The following MBD1 variants were observed in gnomAD, a reference collection of about 807,000 sequenced individuals.
MBD1 encodes the protein methyl-CpG binding domain protein 1.
A neutral mutation model predicts 82.6 loss-of-function variants in MBD1; 25 were observed. That is an observed-to-expected ratio of 0.30 (90% confidence interval 0.22 to 0.42). MBD1 has a LOEUF of 0.42. Among genes scored for constraint, MBD1 ranks in the 10% least tolerant of loss-of-function variants. MBD1 has a pLI of 1.00. For synonymous variants in MBD1, 301 were observed against 303.7 expected (o/e 0.99, Z 0.09); for missense variants, 627 against 819.6 (o/e 0.76, Z 2.87).
chr18:50,270,738 C>T (rs1021410413), intron 16 of MBD1: 3 of 202,844 alleles, frequency 1.5e-5, no homozygotes, highest in African/African-American at 6.8e-5. Flanking sequence ...TTGGCACTCC[C>T]TAAACCATGC....
At chr18:50,267,774 T>A, downstream of MBD1, 1 of 722,150 alleles carries the variant, frequency 1.4e-6, no homozygotes, top group Non-Finnish European at 2.5e-6. Flanking sequence ...AACTGACATA[T>A]AATAAGTACA....
In MBD1 at chr18:50,269,766, C is replaced by CG; in HGVS notation, c.*84dup. 1 of 782,950 alleles carries CG rather than the reference C, an allele frequency of 1.3e-6. No homozygotes were observed. Among genetic ancestry groups the CG allele is most frequent in the South Asian group, 1.3e-5 (1 of 74,654 alleles). 48.5% of individuals were successfully genotyped at this position (782,950 alleles called of 1,614,324 possible). On this transcript the variant is annotated 3_prime_UTR_variant, in exon 17 of 17. Coordinates refer to ENST00000269468, the MANE Select transcript of MBD1 (RefSeq NM_015846.4). Reference sequence around the variant, plus strand: ...GTGCTCGTGGGCTCCACTGTGTCCTCGGTCTCCCACACTTTACATCCATCT... The same window carrying CG: ...GTGCTCGTGGGCTCCACTGTGTCCTCGGGTCTCCCACACTTTACATCCATCT...
In MBD1 at chr18:50,275,352, G is replaced by A. The variant is rs544305047; in HGVS notation, c.793-107C>T. ...CATGCATGGGACAGGCAGACAGAGG[G>A]TGGCGTGAGGCACTCACAGTTGGGG... On this transcript the variant is annotated intron_variant, in intron 8 of 16. Coordinates refer to ENST00000269468, the MANE Select transcript of MBD1 (RefSeq NM_015846.4). The A allele has an allele frequency of 5.0e-6, 8 of 1,612,226 alleles. No individual in the cohort carries two copies. In the Admixed American group the frequency reaches 5.0e-5, roughly 10 times the overall value.
chr18:50,272,783 A>G (rs1354184535), intron 14 of MBD1, 41 bp downstream of exon 14: 1 of 1,614,126 alleles, frequency 6.2e-7, no homozygotes, highest in Non-Finnish European at 8.5e-7. Flanking sequence ...TGTTGGGGCT[A>G]CAGCAGGGTC....
downstream of MBD1, chr18:50,267,385 AT>A (rs1406562978): frequency 3.1e-5 from 16 of 516,228 alleles, no homozygotes; most frequent in Non-Finnish European, 5.2e-5. Context: ...AAATCTTCCT[AT>A]TTGCCATTGG....
chr18:50,275,591 C>G lies in MBD1; in HGVS notation c.792+9G>C. On this transcript the variant is annotated intron_variant, in intron 8 of 16. Transcript: ENST00000269468. ...CAGAATGAGCTCTGCTCCCTCCAGC[C>G]CAACTCACCCGTAGGCAACGTCGCT... 1 of 1,614,190 alleles carries G rather than the reference C, an allele frequency of 6.2e-7. No individual in the cohort carries two copies. Among genetic ancestry groups the G allele is most frequent in the Non-Finnish European group, 8.5e-7 (1 of 1,180,036 alleles).
In MBD1 at chr18:50,281,354, CTG is replaced by C. The variant is rs1425808049; in HGVS notation, c.-26+7_-26+8del. On this transcript the variant is annotated splice_region_variant and intron_variant, in intron 1 of 16. Coordinates refer to ENST00000269468, the MANE Select transcript of MBD1 (RefSeq NM_015846.4). The stretch of plus-strand genomic sequence containing the variant: ...GCGCTCTCCACGTCCAGCCCCAAGG[CTG>C]TCTCACCAGTTTGGCACCAGGCCGG... 2 of 889,752 alleles carry C rather than the reference CTG, an allele frequency of 2.2e-6. No homozygotes were observed. Among genetic ancestry groups the C allele is most frequent in the African/African-American group, 1.6e-5 (1 of 60,812 alleles). The allele number at this position is 889,752 out of a possible 1,614,324, so 55.1% of individuals were successfully genotyped here.
chr18:50,270,162 GT>G (rs2034909987), intron 16 of MBD1: 2 of 1,598,110 alleles, frequency 1.3e-6, no homozygotes, highest in Non-Finnish European at 1.7e-6. Flanking sequence ...AAAGGAAGGG[GT>G]GGGGAAGGTG....
downstream of MBD1, among the ~76,000 whole-genome samples, chr18:50,268,589 G>A (rs573082739): frequency 3.5e-4 from 53 of 152,354 alleles, no homozygotes; most frequent in African/African-American, 1.3e-3. Flanking sequence ...GACTGTGGCT[G>A]GGAACTACGG....
intron 10 of MBD1, among the ~76,000 whole-genome samples, chr18:50,274,659 G>A (rs1960458898): frequency 1.3e-5 from 2 of 152,108 alleles, no homozygotes. Context: ...CCCATTTCCA[G>A]CAACATTTTG....
rs540270524 is a variant in MBD1, at chr18:50,269,642, G to A, written c.*209C>T. On this transcript the variant is annotated 3_prime_UTR_variant, in exon 17 of 17. Transcript: ENST00000269468. ...CCAGATGCATATTTAACTCTGTGAG[G>A]AAGGGCACCAGCTTCTTCTGCAGGA... 4.0e-6 allele frequency: 3 copies of A among 741,044 alleles called. No homozygotes were observed. In the Admixed American group the frequency reaches 5.7e-5, roughly 14 times the overall value. 45.9% of individuals were successfully genotyped at this position (741,044 alleles called of 1,614,324 possible).
chr18:50,273,898 T>C (rs774383457), intron 11 of MBD1, 35 bp from the exon 12 acceptor site: 1 of 1,606,860 alleles, frequency 6.2e-7, no homozygotes, highest in South Asian at 1.1e-5. Context: ...GGCTACCTGG[T>C]GTCCTGACCA....
chr18:50,275,415 A>G (rs1471355173), intron 8 of MBD1, 170 bp from the exon 9 acceptor site: 2 of 1,605,620 alleles, frequency 1.2e-6, no homozygotes, highest in Non-Finnish European at 1.7e-6. Context: ...GACATCTCTG[A>G]TGACGGCGAC....
chr18:50,273,330 C>T lies in MBD1; in HGVS notation c.1584+4G>A. 1.2e-6 allele frequency: 2 copies of T among 1,614,018 alleles called. No individual in the cohort carries two copies. Among genetic ancestry groups the T allele is most frequent in the Non-Finnish European group, 1.7e-6 (2 of 1,180,010 alleles). ...ACCAACAGAACATCCATCACTGCCCCCACCTTGCTAGGGCAGCCAGGCACC... is the reference window on the plus strand; with the variant it reads ...ACCAACAGAACATCCATCACTGCCCTCACCTTGCTAGGGCAGCCAGGCACC... On this transcript the variant is annotated splice_donor_region_variant and intron_variant, in intron 13 of 16. Transcript: ENST00000269468.
At position 50,281,349 on chromosome 18, in the gene MBD1, C is replaced by G. The variant is rs1481816570; in HGVS notation, c.-26+14G>C. 1 of 927,308 alleles carries G rather than the reference C, an allele frequency of 1.1e-6. No homozygotes were observed. The highest frequency in any genetic ancestry group is 1.7e-6 in the Non-Finnish European group (1 of 598,232). The allele number at this position is 927,308 out of a possible 1,614,324, so 57.4% of individuals were successfully genotyped here. ...CCTGAGCGCTCTCCACGTCCAGCCC[C>G]AAGGCTGTCTCACCAGTTTGGCACC... On this transcript the variant is annotated intron_variant, in intron 1 of 16. Transcript: ENST00000269468.
At chr18:50,276,552 C>A in intron 5 of MBD1, 110 bp downstream of exon 5, 1 of 1,454,292 alleles carries the variant, frequency 6.9e-7, no homozygotes. Context: ...AACCTCCAAC[C>A]ATGCCAGTAG....
At chr18:50,276,090 T>C in intron 6 of MBD1, 109 bp from the exon 7 acceptor site, 2 of 1,360,452 alleles carry the variant, frequency 1.5e-6, no homozygotes, top group South Asian at 1.3e-5. Flanking sequence ...TAGTCCCCCA[T>C]TAGCCTCATC....
At chr18:50,277,280 T>C in intron 2 of MBD1, 76 bp from the exon 3 acceptor site, 1 of 1,204,024 alleles carries the variant, frequency 8.3e-7, no homozygotes, top group East Asian at 2.4e-5. Context: ...TTGACAGGGC[T>C]GGCAGGATAT....
chr18:50,281,213 C>G, intron 1 of MBD1, 150 bp downstream of exon 1: 1 of 1,534,920 alleles, frequency 6.5e-7, no homozygotes, highest in Non-Finnish European at 8.7e-7. Context: ...CTAAATCCCC[C>G]CATTTCTCCT....
Sources: allele counts gnomAD v4.1 joint callset (sites outside exome capture counted in the v4.1 genomes callset), GRCh38; gene constraint gnomAD v4.1.1; transcripts MANE v1.5; gene names NCBI Gene and HGNC (gene_info 2026-07-23, HGNC 2026-07-21).